ADAMTS17: variants seen among roughly 807,000 people sequenced by gnomAD.
The protein encoded by ADAMTS17 is A disintegrin and metalloproteinase with thrombospondin motifs 17.
ADAMTS17 carries 113 observed loss-of-function variants against 141.5 expected under a neutral mutation model. That is an observed-to-expected ratio of 0.80 (90% CI 0.69 to 0.93). ADAMTS17 has a LOEUF of 0.93. ADAMTS17 is among the 40% of genes least tolerant of loss of function. ADAMTS17 has a pLI of 0.00. For synonymous variants in ADAMTS17, 768 were observed against 630.6 expected (o/e 1.22, Z -3.27); for missense variants, 1,659 against 1,517.9 (o/e 1.09, Z -1.54).
chr15:100,228,160 C>T (rs919066282), intron 7 of ADAMTS17, among the ~76,000 whole-genome samples: 3 of 152,202 alleles, frequency 2.0e-5, no homozygotes, highest in South Asian at 2.1e-4. Context: ...TCCTCACCTA[C>T]ACGCTCTTTC....
intron 20 of ADAMTS17, among the ~76,000 whole-genome samples, chr15:99,984,332 C>T (rs1000908839): frequency 9.2e-5 from 14 of 152,198 alleles, no homozygotes; most frequent in African/African-American, 3.4e-4. Context: ...TTGCTTCCCA[C>T]CATCCACTGC....
At chr15:100,170,328 C>T (rs2040112823) in intron 8 of ADAMTS17, among the ~76,000 whole-genome samples, 1 of 152,202 alleles carries the variant, frequency 6.6e-6, no homozygotes, top group African/African-American at 2.4e-5. Context: ...TTAAAGGGAC[C>T]TTGTAGCTCC....
intron 10 of ADAMTS17, among the ~76,000 whole-genome samples, chr15:100,152,262 G>A (rs2039203724): frequency 6.6e-6 from 1 of 152,132 alleles, no homozygotes; most frequent in South Asian, 2.1e-4. Context: ...AGTGTCCTCA[G>A]GTTTCCATAT....
intron 8 of ADAMTS17, among the ~76,000 whole-genome samples, chr15:100,169,110 A>G (rs368193432): frequency 3.7e-4 from 57 of 152,296 alleles, no homozygotes; most frequent in African/African-American, 1.4e-3. Context: ...CTGGTCTGTG[A>G]AGGTTGCTAC....
chr15:100,112,088 G>A (rs2036823035), intron 13 of ADAMTS17, among the ~76,000 whole-genome samples: 1 of 152,266 alleles, frequency 6.6e-6, no homozygotes. Flanking sequence ...TAGAAAAGCA[G>A]AGGCTGTTTT....
chr15:100,144,410 C>A (rs944080822), intron 10 of ADAMTS17, among the ~76,000 whole-genome samples: 5 of 152,066 alleles, frequency 3.3e-5, no homozygotes, highest in African/African-American at 1.2e-4. Flanking sequence ...ATTAGCCGGG[C>A]GTGGTGGAAG....
chr15:100,167,963 C>T (rs976046996), intron 8 of ADAMTS17, among the ~76,000 whole-genome samples: 7 of 152,216 alleles, frequency 4.6e-5, no homozygotes, highest in Non-Finnish European at 1.0e-4. Context: ...CACAGAAATG[C>T]TCCTGGCAAA....
intron 8 of ADAMTS17, among the ~76,000 whole-genome samples, chr15:100,184,005 T>G (rs1003108858): frequency 6.6e-6 from 1 of 152,070 alleles, no homozygotes; most frequent in Non-Finnish European, 1.5e-5. Context: ...AGCTTCTGGG[T>G]ACAGAGACAG....
chr15:100,217,821 G>C (rs907621659), intron 7 of ADAMTS17, among the ~76,000 whole-genome samples: 1 of 152,134 alleles, frequency 6.6e-6, no homozygotes, highest in South Asian at 2.1e-4. Flanking sequence ...AATACATGAA[G>C]AATCCTTACA....
At chr15:100,227,394 A>G (rs2042344086) in intron 7 of ADAMTS17, among the ~76,000 whole-genome samples, 1 of 152,230 alleles carries the variant, frequency 6.6e-6, no homozygotes, top group East Asian at 1.9e-4. Context: ...ATTCATTACT[A>G]AGTCATGTCA....
At chr15:100,324,417 G>A (rs1451522373) in intron 3 of ADAMTS17, among the ~76,000 whole-genome samples, 2 of 152,052 alleles carry the variant, frequency 1.3e-5, no homozygotes, top group East Asian at 3.9e-4. Flanking sequence ...TTTGCCTGTT[G>A]TAAATTATTT....
At position 100,140,219 on chromosome 15, in the gene ADAMTS17, C is replaced by T. The variant is rs538979438; in HGVS notation, c.1474-6904G>A. 3.4e-4 allele frequency among the ~76,000 whole-genome samples: 51 copies of T among 152,150 alleles called. No homozygotes were observed. The South Asian group carries it at 7.1e-3, about 21-fold the overall frequency. Reference sequence around the variant, plus strand: ...CCATGTTGGCCAGGCTGGTCTCAAACCCCTAACCTCTGGTGATCCTCCTGC... The same window carrying T: ...CCATGTTGGCCAGGCTGGTCTCAAATCCCTAACCTCTGGTGATCCTCCTGC... On this transcript the variant is annotated intron_variant, in intron 10 of 21. Transcript: ENST00000268070.
intron 4 of ADAMTS17, among the ~76,000 whole-genome samples, chr15:100,268,557 T>C (rs1268632747): frequency 6.6e-6 from 1 of 152,250 alleles, no homozygotes; most frequent in Non-Finnish European, 1.5e-5. Flanking sequence ...ATGTGGAGCA[T>C]CTTTTCACAT....
chr15:100,199,246 A>C (rs974950132), intron 8 of ADAMTS17, 72 bp downstream of exon 8: 38 of 1,372,922 alleles, frequency 2.8e-5, no homozygotes, highest in Non-Finnish European at 4.0e-5. Context: ...TAGAACTTAC[A>C]GAATTCAAGT....
At chr15:100,274,119 G>A (rs2044001542) in intron 4 of ADAMTS17, among the ~76,000 whole-genome samples, 1 of 152,118 alleles carries the variant, frequency 6.6e-6, no homozygotes, top group Non-Finnish European at 1.5e-5. Context: ...CCTGCAGAAT[G>A]TCCCATGTTC....
intron 15 of ADAMTS17, among the ~76,000 whole-genome samples, chr15:100,090,963 G>A (rs916501881): frequency 3.5e-5 from 5 of 144,764 alleles, no homozygotes; most frequent in South Asian, 2.2e-4. Flanking sequence ...AGCCGAGATC[G>A]TGCCACTGCA....
intron 10 of ADAMTS17, among the ~76,000 whole-genome samples, chr15:100,151,775 T>A (rs543075023): frequency 6.6e-6 from 1 of 152,136 alleles, no homozygotes; most frequent in Non-Finnish European, 1.5e-5. Context: ...CTTCCCTGTC[T>A]GCTACACAGA....
chr15:100,143,594 T>G (rs1384648933), intron 10 of ADAMTS17, among the ~76,000 whole-genome samples: 1 of 152,212 alleles, frequency 6.6e-6, no homozygotes. Context: ...CAAATGCCAG[T>G]TGTTGATGCC....
chr15:100,121,475 T>G (rs535623624), intron 12 of ADAMTS17, among the ~76,000 whole-genome samples: 1 of 152,082 alleles, frequency 6.6e-6, no homozygotes, highest in Non-Finnish European at 1.5e-5. Context: ...ATACAAGGGA[T>G]CTTCAACAAG....
Sources: allele counts gnomAD v4.1 joint callset (sites outside exome capture counted in the v4.1 genomes callset), GRCh38; gene constraint gnomAD v4.1.1; transcripts MANE v1.5; gene names NCBI Gene and HGNC (gene_info 2026-07-23, HGNC 2026-07-21).